The following PITPNB variants were observed in gnomAD, a reference collection of about 807,000 sequenced individuals.
PITPNB encodes the protein phosphatidylinositol transfer protein beta, also known as phosphatidylinositol transfer protein beta isoform.
A neutral mutation model predicts 45.9 loss-of-function variants in PITPNB; 16 were observed. The observed-to-expected ratio is 0.35, with a 90% CI of 0.24 to 0.53. The LOEUF is 0.53. Among genes scored for constraint, PITPNB ranks in the 20% least tolerant of loss-of-function variants. The probability of loss-of-function intolerance (pLI) is 0.93; values close to 1 mark genes in which losing one functional copy is unlikely to be tolerated. For synonymous variants in PITPNB, 112 were observed against 108.9 expected (o/e 1.03, Z -0.18); for missense variants, 188 against 330.5 (o/e 0.57, Z 3.34).
At chr22:27,905,338 C>CG (rs1935725962) in intron 3 of PITPNB, among the ~76,000 whole-genome samples, 1 of 151,998 alleles carries the variant, frequency 6.6e-6, no homozygotes, top group Non-Finnish European at 1.5e-5. Flanking sequence ...TTAGTAGAGA[C>CG]GGGGTTTCAC....
At chr22:27,878,531 C>T (rs1167687305) in intron 7 of PITPNB, among the ~76,000 whole-genome samples, 1 of 152,226 alleles carries the variant, frequency 6.6e-6, no homozygotes, top group East Asian at 1.9e-4. Context: ...AGTGACTCCT[C>T]AACCTTTCAG....
intron 7 of PITPNB, among the ~76,000 whole-genome samples, chr22:27,888,126 T>G (rs1935177072): frequency 6.6e-6 from 1 of 152,224 alleles, no homozygotes. Flanking sequence ...TGGAAGCATA[T>G]TATACATACT....
Position 27,869,103 on chromosome 22 carries a change from G to A in PITPNB, c.534+4635C>T, listed in dbSNP as rs118138212. Among the ~76,000 whole-genome samples, 1,144 of 151,822 alleles carry A rather than the reference G, an allele frequency of 7.5e-3. 41 individuals are homozygous for A. Among genetic ancestry groups the A allele is most frequent in the Admixed American group, 0.057 (867 of 15,252 alleles). On this transcript the variant is annotated intron_variant, in intron 8 of 11. Transcript: ENST00000335272. ...CACACACACACACACACAAACACAC[G>A]TGCACACAGTGCTATAGAGAAACAA...
chr22:27,872,062 C>T (rs989405156), intron 8 of PITPNB, among the ~76,000 whole-genome samples: 18 of 147,046 alleles, frequency 1.2e-4, no homozygotes, highest in African/African-American at 3.3e-4. Context: ...TGTGCAGAAC[C>T]GTGAGCCAAT....
chr22:27,912,913 G>C (rs922480179), intron 2 of PITPNB, among the ~76,000 whole-genome samples: 8 of 150,670 alleles, frequency 5.3e-5, no homozygotes. Flanking sequence ...AACCCAGGAG[G>C]CGGAGGTTGC....
intron 7 of PITPNB, among the ~76,000 whole-genome samples, chr22:27,875,358 T>C (rs1268504762): frequency 6.6e-6 from 1 of 152,254 alleles, no homozygotes; most frequent in Non-Finnish European, 1.5e-5. Flanking sequence ...TGCAAGGAGC[T>C]GGACAACTGG....
chr22:27,885,212 TAAAAAAAAAAAAAAAAAAAAA>T (rs71194746), intron 7 of PITPNB, among the ~76,000 whole-genome samples: 942 of 30,236 alleles, frequency 0.031, 42 homozygotes, highest in Middle Eastern at 0.14. Context: ...AATTTATACC[TAAAAAAAAAAAAAAAAAAAAA>T]AAAAAAAAAA....
chr22:27,860,586 G>A (rs939534764), intron 8 of PITPNB: 7 of 167,376 alleles, frequency 4.2e-5, no homozygotes, highest in Non-Finnish European at 6.5e-5. Flanking sequence ...CACCATTACC[G>A]CACTCCCACT....
intron 10 of PITPNB, among the ~76,000 whole-genome samples, chr22:27,855,540 G>C (rs1284271796): frequency 6.6e-5 from 10 of 152,088 alleles, no homozygotes; most frequent in African/African-American, 2.2e-4. Flanking sequence ...CACTCAATGA[G>C]AAAACAAAAA....
intron 8 of PITPNB, among the ~76,000 whole-genome samples, chr22:27,866,892 T>C (rs1934500783): frequency 6.6e-6 from 1 of 152,184 alleles, no homozygotes; most frequent in African/African-American, 2.4e-5. Context: ...TGTGTGTGCA[T>C]CAGTAAATAT....
At chr22:27,919,045 G>A (rs1936189908) in intron 1 of PITPNB, 127 bp downstream of exon 1, 4 of 1,447,702 alleles carry the variant, frequency 2.8e-6, no homozygotes, top group African/African-American at 1.4e-5. Context: ...GGGGAGGGAG[G>A]GGGCGCCCGC....
At chr22:27,898,590 A>G (rs1183523231) in intron 3 of PITPNB, among the ~76,000 whole-genome samples, 1 of 152,202 alleles carries the variant, frequency 6.6e-6, no homozygotes, top group East Asian at 1.9e-4. Context: ...AAGCCCCAGA[A>G]TAAGGAGATA....
At chr22:27,899,048 G>C (rs1256912711) in intron 3 of PITPNB, among the ~76,000 whole-genome samples, 1 of 152,190 alleles carries the variant, frequency 6.6e-6, no homozygotes, top group Non-Finnish European at 1.5e-5. Context: ...TTTGGAAGCT[G>C]TGTGACCTTA....
At chr22:27,891,621 T>C (rs1419759929) in intron 7 of PITPNB, among the ~76,000 whole-genome samples, 7 of 152,142 alleles carry the variant, frequency 4.6e-5, no homozygotes, top group African/African-American at 1.2e-4. Flanking sequence ...GCTTCCCCCA[T>C]GTTGTTCTGG....
At chr22:27,909,728 A>T (rs1416986969) in intron 3 of PITPNB, among the ~76,000 whole-genome samples, 1 of 152,144 alleles carries the variant, frequency 6.6e-6, no homozygotes, top group Non-Finnish European at 1.5e-5. Context: ...TCATTTTATA[A>T]CTTCTCTTAG....
intron 3 of PITPNB, among the ~76,000 whole-genome samples, chr22:27,909,953 T>G (rs1045752475): frequency 1.3e-5 from 2 of 148,342 alleles, no homozygotes; most frequent in Admixed American, 6.7e-5. Context: ...CTAATTTCTT[T>G]TTTTTTTTTT....
rs999655273 is a variant in PITPNB, at chr22:27,860,062, G to A, written c.645+69C>T. On this transcript the variant is annotated intron_variant, in intron 9 of 11. Transcript: ENST00000335272. ...GAGGAAAAAAAGTAATAACAGAGAA[G>A]ATATCCCATTAATAGCTAGCTCCGA... 8.3e-6 allele frequency: 7 copies of A among 842,200 alleles called. No individual in the cohort carries two copies. The East Asian group carries it at 1.5e-4, about 18-fold the overall frequency. 52.2% of individuals were successfully genotyped at this position (842,200 alleles called of 1,614,324 possible).
At chr22:27,914,246 T>A (rs1569037603) in intron 2 of PITPNB, 71 bp downstream of exon 2, 1 of 900,552 alleles carries the variant, frequency 1.1e-6, no homozygotes, top group Non-Finnish European at 1.9e-6. Context: ...TACGAAAATG[T>A]GAGTTTAGAG....
At chr22:27,860,109 C>A (rs1331897299) in intron 9 of PITPNB, 22 bp downstream of exon 9, 1 of 1,392,810 alleles carries the variant, frequency 7.2e-7, no homozygotes, top group Non-Finnish European at 1.0e-6. Flanking sequence ...ATCTAAGTCA[C>A]CACATTTTGA....
Sources: gnomAD v4.1 joint callset for allele counts (sites outside exome capture counted in the v4.1 genomes callset) on GRCh38, gnomAD v4.1.1 for gene constraint, MANE v1.5 for transcripts, NCBI Gene and HGNC (gene_info 2026-07-23, HGNC 2026-07-21) for gene names.